The following CFAP20DC variants were observed in gnomAD, a reference collection of about 807,000 sequenced individuals.
CFAP20DC encodes protein CFAP20DC.
CFAP20DC carries 84 observed loss-of-function variants against 101.7 expected under a neutral mutation model. The ratio of observed to expected loss-of-function variants is 0.83; its 90% CI spans 0.69 to 0.99. CFAP20DC has a LOEUF of 0.99. Ranked by LOEUF, CFAP20DC falls within the 50% of genes least tolerant of loss-of-function variation. The probability of loss-of-function intolerance (pLI) is 0.00; values close to 1 mark genes in which losing one functional copy is unlikely to be tolerated. For synonymous variants in CFAP20DC, 359 were observed against 351.2 expected (o/e 1.02, Z -0.25); for missense variants, 1,007 against 970.3 (o/e 1.04, Z -0.50).
At chr3:58,983,490 T>A (rs1235997258) in intron 4 of CFAP20DC, among the ~76,000 whole-genome samples, 1 of 152,304 alleles carries the variant, frequency 6.6e-6, no homozygotes, top group East Asian at 1.9e-4. Context: ...TTCAGTTTTA[T>A]ATATTTTCTA....
intron 4 of CFAP20DC, among the ~76,000 whole-genome samples, chr3:58,951,423 T>C (rs895709313): frequency 1.3e-5 from 2 of 152,280 alleles, no homozygotes; most frequent in South Asian, 2.1e-4. Context: ...ACCCAAAGGA[T>C]TAGAAATCAT....
At chr3:58,773,755 A>G (rs2071069875) in intron 15 of CFAP20DC, among the ~76,000 whole-genome samples, 2 of 152,188 alleles carry the variant, frequency 1.3e-5, no homozygotes, top group Non-Finnish European at 1.5e-5. Context: ...TACATCATTC[A>G]AGAGCCTGAT....
intron 4 of CFAP20DC, among the ~76,000 whole-genome samples, chr3:58,976,814 T>C (rs2092298988): frequency 6.6e-6 from 1 of 152,104 alleles, no homozygotes; most frequent in Admixed American, 6.6e-5. Context: ...CCAGCTGTAG[T>C]GAGTAGGGTG....
intron 4 of CFAP20DC, among the ~76,000 whole-genome samples, chr3:58,955,880 A>C (rs1449545140): frequency 6.6e-6 from 1 of 151,520 alleles, no homozygotes; most frequent in Non-Finnish European, 1.5e-5. Flanking sequence ...CAACAGTCAG[A>C]GGCATGAGGC....
At chr3:58,791,575 T>A (rs577635080) in intron 15 of CFAP20DC, among the ~76,000 whole-genome samples, 63 of 152,296 alleles carry the variant, frequency 4.1e-4, no homozygotes, top group Non-Finnish European at 7.9e-4. Flanking sequence ...ATATATGAAA[T>A]GCTGTATTTC....
At position 58,728,045 on chromosome 3, in the gene CFAP20DC, G is replaced by A. The variant is rs1445547813; in HGVS notation, c.198-10417C>T. 1 of 152,228 alleles carries A rather than the reference G, an allele frequency of 6.6e-6. No individual in the cohort carries two copies. Among genetic ancestry groups the A allele is most frequent in the South Asian group, 2.1e-4 (1 of 4,830 alleles). 9.4% of individuals were successfully genotyped at this position (152,228 alleles called of 1,614,324 possible). On this transcript the variant is annotated intron_variant, in intron 3 of 3. Transcript: ENST00000486145. The surrounding 1 kb of genome is among the most constrained non-coding windows in gnomAD (Gnocchi z 4.7). ...ATTTCAAGTGGGCCACAGGGTGCAG[G>A]TGGCAGAATGCAGTTAGAGTGCATA...
intron 6 of CFAP20DC, among the ~76,000 whole-genome samples, chr3:58,906,552 C>T: frequency 6.6e-6 from 1 of 152,114 alleles, no homozygotes; most frequent in East Asian, 1.9e-4. Flanking sequence ...TACATATATG[C>T]CCTTTCCTCT....
At chr3:58,866,400 A>C (rs2079693364) in intron 11 of CFAP20DC, 166 bp downstream of exon 11, 2 of 540,082 alleles carry the variant, frequency 3.7e-6, no homozygotes, top group Non-Finnish European at 6.4e-6. Context: ...TCTTTCATCC[A>C]TTAAAGTTTG....
At chr3:58,963,232 G>GTGTGTGTGTGTA (rs1288425185) in intron 4 of CFAP20DC, among the ~76,000 whole-genome samples, 1 of 140,716 alleles carries the variant, frequency 7.1e-6, no homozygotes. Context: ...GTGTGTGTGT[G>GTGTGTGTGTGTA]TGTGTGTGTT....
In CFAP20DC at chr3:58,808,926, C is replaced by T. The variant is rs368219814; in HGVS notation, c.2176-2470G>A. Among the ~76,000 whole-genome samples the T allele has an allele frequency of 2.3e-3, 349 of 151,964 alleles. 1 individual carries two copies. Among genetic ancestry groups the T allele is most frequent in the Non-Finnish European group, 4.3e-3 (291 of 67,980 alleles). On this transcript the variant is annotated intron_variant, in intron 14 of 16. Transcript: ENST00000482387. Reference sequence around the variant, plus strand: ...CAGGGGTTGCAATCCTAGTCTCTGACAAAACAGACTTTAAACCAACAAAGA... The same window carrying T: ...CAGGGGTTGCAATCCTAGTCTCTGATAAAACAGACTTTAAACCAACAAAGA...
chr3:58,835,500 G>A (rs2076675475), intron 13 of CFAP20DC, among the ~76,000 whole-genome samples: 1 of 152,168 alleles, frequency 6.6e-6, no homozygotes. Context: ...AGATTGATTC[G>A]TTAATTTATT....
At chr3:58,915,585 ATAAG>A (rs2084602761) in intron 5 of CFAP20DC, among the ~76,000 whole-genome samples, 1 of 152,082 alleles carries the variant, frequency 6.6e-6, no homozygotes, top group Non-Finnish European at 1.5e-5. Context: ...ACAGACATAA[ATAAG>A]AGAGTCCTTT....
Position 58,863,745 on chromosome 3 carries a change from TC to T in CFAP20DC, c.1405del (p.Glu469AsnfsTer38), listed in dbSNP as rs1559728059. Reference sequence around the variant, plus strand: ...AATGTCCTTTGGAACACTCTGGGATTCCTCTGCCTGCTGGTCGTGTTCACTC... The same window carrying T: ...AATGTCCTTTGGAACACTCTGGGATTCTCTGCCTGCTGGTCGTGTTCACTC... ...KESEHDQQAE[E>X]SQSVPKDIFT... is the part of the protein sequence containing the mutation. On this transcript the variant is annotated frameshift_variant, in exon 12 of 17. Coordinates refer to ENST00000482387, the MANE Select transcript of CFAP20DC (RefSeq NM_001394063.1). LOFTEE classifies it high-confidence loss of function. This position sits in a 1 kb window ranked among gnomAD's most constrained non-coding sequence, Gnocchi z 5.9. The T allele has an allele frequency of 6.2e-7, 1 of 1,614,082 alleles. No homozygotes were observed. Among genetic ancestry groups the T allele is most frequent in the African/African-American group, 1.3e-5 (1 of 74,936 alleles).
chr3:58,949,295 C>T (rs1330838564), intron 4 of CFAP20DC, among the ~76,000 whole-genome samples: 1 of 151,960 alleles, frequency 6.6e-6, no homozygotes, highest in Admixed American at 6.6e-5. Flanking sequence ...CAGTTCTGCT[C>T]TGATCTTAGT....
intron 4 of CFAP20DC, among the ~76,000 whole-genome samples, chr3:58,950,887 C>T (rs961082205): frequency 2.6e-5 from 4 of 152,094 alleles, no homozygotes; most frequent in African/African-American, 9.7e-5. Context: ...AAAGCAATGG[C>T]AACAAAAGCC....
At chr3:59,035,190 G>A (rs1005171372) in intron 4 of CFAP20DC, among the ~76,000 whole-genome samples, 69 of 152,282 alleles carry the variant, frequency 4.5e-4, no homozygotes, top group African/African-American at 1.5e-3. Flanking sequence ...CACAGCTAAA[G>A]CAGTGTTTAG....
chr3:58,798,110 G>C (rs932924194), intron 15 of CFAP20DC, among the ~76,000 whole-genome samples: 8 of 149,530 alleles, frequency 5.4e-5, no homozygotes, highest in African/African-American at 7.5e-5. Flanking sequence ...CATGGATCAA[G>C]GAGTAATTTA....
intron 4 of CFAP20DC, among the ~76,000 whole-genome samples, chr3:59,035,584 T>C (rs971461579): frequency 3.3e-5 from 5 of 152,094 alleles, no homozygotes; most frequent in African/African-American, 1.2e-4. Flanking sequence ...ATAAAACAAC[T>C]AGAAAATCTA....
In CFAP20DC at chr3:59,001,497, C is replaced by T. The variant is rs1037299774; in HGVS notation, c.278+38060G>A. Among the ~76,000 whole-genome samples, 2 of 152,176 alleles carry T rather than the reference C, an allele frequency of 1.3e-5. No individual in the cohort carries two copies. The highest frequency in any genetic ancestry group is 2.4e-5 in the African/African-American group (1 of 41,434). On this transcript the variant is annotated intron_variant, in intron 4 of 16. Transcript: ENST00000482387. The surrounding 1 kb of genome is among the most constrained non-coding windows in gnomAD (Gnocchi z 4.5). ...TCAGCCTCGATCTCACCCCAACCTC[C>T]GCCTCCCAGGTTCAAGTGATTCTCC...
Sources: allele counts gnomAD v4.1 joint callset (sites outside exome capture counted in the v4.1 genomes callset), GRCh38; gene constraint gnomAD v4.1.1; non-coding constraint Gnocchi (gnomAD v3.1); transcripts MANE v1.5; gene names NCBI Gene and HGNC (gene_info 2026-07-23, HGNC 2026-07-21).